Variants in TM7SF3 observed in about 807,000 individuals in gnomAD.
TM7SF3 encodes seven span transmembrane protein.
A neutral mutation model predicts 65.5 loss-of-function variants in TM7SF3; 60 were observed. The ratio of observed to expected loss-of-function variants is 0.92; its 90% CI spans 0.74 to 1.14. The LOEUF (loss-of-function observed/expected upper bound fraction) is 1.14. Ranked by LOEUF, TM7SF3 falls within the 50% of genes most tolerant of loss-of-function variation. The probability of loss-of-function intolerance (pLI) is 0.00; values close to 1 mark genes in which losing one functional copy is unlikely to be tolerated. For synonymous variants in TM7SF3, 264 were observed against 259.6 expected (o/e 1.02, Z -0.16); for missense variants, 623 against 684.8 (o/e 0.91, Z 1.01).
At chr12:26,992,902 T>C (rs923004304) in intron 5 of TM7SF3, among the ~76,000 whole-genome samples, 1 of 144,390 alleles carries the variant, frequency 6.9e-6, no homozygotes, top group African/African-American at 2.6e-5. Flanking sequence ...TTTTCCCTAA[T>C]GTCTTTTTTT....
chr12:26,991,321 T>A (rs1940357621), intron 5 of TM7SF3, among the ~76,000 whole-genome samples: 1 of 148,886 alleles, frequency 6.7e-6, no homozygotes, highest in Non-Finnish European at 1.5e-5. Context: ...CCCGGCTAAT[T>A]TTTTGTATTT....
chr12:27,012,380 T>G (rs1941278269), intron 1 of TM7SF3, among the ~76,000 whole-genome samples: 1 of 152,120 alleles, frequency 6.6e-6, no homozygotes, highest in Admixed American at 6.5e-5. Context: ...AAAAAAAAAG[T>G]TGCCCTTTTC....
At chr12:27,009,867 C>T (rs1312876282) in intron 1 of TM7SF3, among the ~76,000 whole-genome samples, 1 of 152,188 alleles carries the variant, frequency 6.6e-6, no homozygotes, top group African/African-American at 2.4e-5. Flanking sequence ...TTAGTTATCT[C>T]TAACCTAACA....
intron 2 of TM7SF3, among the ~76,000 whole-genome samples, chr12:27,002,299 C>CA (rs34528941): frequency 0.37 from 54,378 of 148,488 alleles, 10,248 homozygotes; most frequent in African/African-American, 0.48. Context: ...CCCATCTCTA[C>CA]AAAAAAAAAA....
At chr12:26,997,919 G>C (rs1240776163) in intron 3 of TM7SF3, among the ~76,000 whole-genome samples, 2 of 146,810 alleles carry the variant, frequency 1.4e-5, no homozygotes, top group East Asian at 4.0e-4. Context: ...TCTGCCCACC[G>C]GGTTCAAGCA....
chr12:26,980,912 T>C (rs555900647), intron 7 of TM7SF3, among the ~76,000 whole-genome samples: 4 of 152,350 alleles, frequency 2.6e-5, no homozygotes, highest in African/African-American at 9.6e-5. Context: ...GTTTCCATTG[T>C]TAAATTGTTA....
intron 1 of TM7SF3, among the ~76,000 whole-genome samples, chr12:27,004,742 T>C (rs1328155745): frequency 6.6e-6 from 1 of 152,176 alleles, no homozygotes; most frequent in East Asian, 1.9e-4. Context: ...TGATGCTACA[T>C]TACATTCATA....
intron 1 of TM7SF3, among the ~76,000 whole-genome samples, chr12:27,011,497 G>A (rs1334395376): frequency 6.6e-6 from 1 of 152,154 alleles, no homozygotes; most frequent in Non-Finnish European, 1.5e-5. Context: ...GATTTATTTA[G>A]CATTCAGGCC....
intron 9 of TM7SF3, among the ~76,000 whole-genome samples, chr12:26,976,862 T>TGAAA (rs1939589182): frequency 6.6e-6 from 1 of 152,190 alleles, no homozygotes; most frequent in Admixed American, 6.5e-5. Flanking sequence ...TGTCCTGTCA[T>TGAAA]GCCACTGCAC....
intron 4 of TM7SF3, 53 bp downstream of exon 4, chr12:26,996,689 C>CA: frequency 1.9e-6 from 3 of 1,555,940 alleles, no homozygotes; most frequent in Admixed American, 4.2e-5. Context: ...ATCTACACAA[C>CA]TGTCGTCATG....
chr12:26,995,751 C>G (rs1265049076), intron 4 of TM7SF3, among the ~76,000 whole-genome samples: 1 of 152,220 alleles, frequency 6.6e-6, no homozygotes, highest in Non-Finnish European at 1.5e-5. Context: ...AGCCTTCTTT[C>G]TGTCATGTGT....
chr12:27,008,970 C>T (rs1384995314), intron 1 of TM7SF3, among the ~76,000 whole-genome samples: 4 of 152,138 alleles, frequency 2.6e-5, no homozygotes, highest in Non-Finnish European at 5.9e-5. Flanking sequence ...ACAATATATC[C>T]TGTACCTACA....
rs539548032 is a variant in TM7SF3, at chr12:26,973,711, A to T, written c.*254T>A. On this transcript the variant is annotated 3_prime_UTR_variant, in exon 12 of 12. Transcript: ENST00000343028. Reference sequence around the variant, plus strand: ...TAAGTTGATCATAGATTTGTAAACCAAAAGGTAATTTCTCAAGTATTTGGA... The same window carrying T: ...TAAGTTGATCATAGATTTGTAAACCTAAAGGTAATTTCTCAAGTATTTGGA... 8 of 399,744 alleles carry T rather than the reference A, an allele frequency of 2.0e-5. No individual in the cohort carries two copies. In the South Asian group the frequency reaches 5.0e-4, roughly 25 times the overall value. The allele number at this position is 399,744 out of a possible 1,614,324, so 24.8% of individuals were successfully genotyped here. A position where few individuals can be genotyped will look rare whatever the true frequency, so the allele number is the denominator to read the frequency against.
In TM7SF3 at chr12:26,996,810, G is replaced by A; in HGVS notation, c.450C>T (p.Asn150=). The A allele has an allele frequency of 1.9e-6, 3 of 1,613,704 alleles. No individual in the cohort carries two copies. In the African/African-American group the frequency reaches 4.0e-5, roughly 22 times the overall value. Residue 150 remains asparagine (N), a synonymous_variant, in exon 4 of 12, where the codon AAC becomes AAT. Coordinates refer to ENST00000343028, the MANE Select transcript of TM7SF3 (RefSeq NM_016551.3). The part of the protein sequence containing the change: ...NLEFDLDIDP[N]IYLEYNFFET... ...CAAAGAAATTATACTCCAAGTAAATGTTGGGATCAATATCTAAATCGAACT... is the reference window on the plus strand; with the variant it reads ...CAAAGAAATTATACTCCAAGTAAATATTGGGATCAATATCTAAATCGAACT...
intron 3 of TM7SF3, 62 bp from the exon 4 acceptor site, chr12:26,996,924 A>G: frequency 6.5e-7 from 1 of 1,531,024 alleles, no homozygotes; most frequent in South Asian, 1.3e-5. Context: ...TCATACTCAG[A>G]AAAACAGAAC....
At chr12:27,012,156 G>A (rs918199838) in intron 1 of TM7SF3, among the ~76,000 whole-genome samples, 2 of 152,170 alleles carry the variant, frequency 1.3e-5, no homozygotes, top group Admixed American at 6.5e-5. Flanking sequence ...ACAGCTTTAC[G>A]GAAGTGGAAG....
chr12:26,990,535 C>T lies in TM7SF3; in HGVS notation c.783G>A (p.Pro261=), dbSNP rs544346343. The change falls in exon 6 of 12, where the codon CCG becomes CCA. Residue 261 remains proline, a synonymous_variant. Transcript: ENST00000343028. ...GVIYNVIVWD[P]FLNTSAAYIP... ...TGTAGGCAGCAGATGTATTTAGAAA[C>T]GGGTCCCAAACAATGACATTGTATA... The T allele has an allele frequency of 3.1e-5, 50 of 1,613,838 alleles. No individual in the cohort carries two copies. The highest frequency in any genetic ancestry group is 6.7e-5 in the African/African-American group (5 of 74,924).
chr12:26,991,040 GAC>G (rs1385496576), intron 5 of TM7SF3, among the ~76,000 whole-genome samples: 3 of 151,760 alleles, frequency 2.0e-5, no homozygotes, highest in Non-Finnish European at 4.4e-5. Flanking sequence ...GACTAACGCA[GAC>G]AGTCTGTTAA....
chr12:26,994,867 T>A (rs907701468), intron 5 of TM7SF3, among the ~76,000 whole-genome samples: 1 of 152,206 alleles, frequency 6.6e-6, no homozygotes, highest in African/African-American at 2.4e-5. Context: ...AATGTGTATA[T>A]CCTTAAGCAG....
Sources: allele counts gnomAD v4.1 joint callset (sites outside exome capture counted in the v4.1 genomes callset), GRCh38; gene constraint gnomAD v4.1.1; transcripts MANE v1.5; gene names NCBI Gene and HGNC (gene_info 2026-07-23, HGNC 2026-07-21).